The following SHROOM3 variants were observed in gnomAD, a reference collection of about 807,000 sequenced individuals.
SHROOM3 encodes protein Shroom3.
Under a neutral mutation model 138.6 loss-of-function variants are expected in SHROOM3, and 47 were observed. That is an observed-to-expected ratio of 0.34 (90% CI 0.27 to 0.43). The LOEUF (loss-of-function observed/expected upper bound fraction) is 0.43. SHROOM3 is among the 20% of genes least tolerant of loss of function. The pLI, the probability that SHROOM3 is intolerant of heterozygous loss-of-function variation, is 1.00. For synonymous variants in SHROOM3, 1,062 were observed against 1,063.3 expected (o/e 1.00, Z 0.02); for missense variants, 2,491 against 2,596.5 (o/e 0.96, Z 0.88).
intron 2 of SHROOM3, among the ~76,000 whole-genome samples, chr4:76,645,839 C>T (rs530098524): frequency 7.9e-5 from 12 of 151,992 alleles, no homozygotes; most frequent in South Asian, 2.1e-4. Flanking sequence ...ATCCAAAACA[C>T]TTCTTCTTCC....
Position 76,749,082 on chromosome 4 carries a change from T to C in SHROOM3, c.3819T>C (p.Pro1273=), listed in dbSNP as rs1396167382. Residue 1273 remains proline, a synonymous_variant, in exon 6 of 11, where the codon CCT becomes CCC. Coordinates refer to ENST00000296043, the MANE Select transcript of SHROOM3 (RefSeq NM_020859.4). ...AGGATCCATGTTATTTGGCTGGTCC[T>C]GGATCTAGGTATGTACATGTACTTA... ...LVKDPCYLAG[P]GSRSLSCSER... is the part of the protein sequence containing the mutation. 1 of 1,613,998 alleles carries C rather than the reference T, an allele frequency of 6.2e-7. No homozygotes were observed. Among genetic ancestry groups the C allele is most frequent in the Non-Finnish European group, 8.5e-7 (1 of 1,179,882 alleles).
chr4:76,749,122 T>G, intron 6 of SHROOM3, 32 bp downstream of exon 6: 4 of 1,574,006 alleles, frequency 2.5e-6, no homozygotes, highest in Non-Finnish European at 3.5e-6. Flanking sequence ...GCTCTCTGCA[T>G]ATGAATGCTG....
At chr4:76,613,464 GAAAGGAGTCAAGTACCA>G (rs1446783732) in intron 2 of SHROOM3, among the ~76,000 whole-genome samples, 1 of 152,176 alleles carries the variant, frequency 6.6e-6, no homozygotes, top group East Asian at 1.9e-4. Flanking sequence ...TAGCAGAGTT[GAAAGGAGTCAAGTACCA>G]ACAGTACATG....
chr4:76,477,301 C>T (rs1336385433), intron 1 of SHROOM3, among the ~76,000 whole-genome samples: 3 of 152,104 alleles, frequency 2.0e-5, no homozygotes, highest in Non-Finnish European at 2.9e-5. Context: ...TGAAATAAGA[C>T]AGAGAGACTG....
At chr4:76,479,218 G>C (rs542260555) in intron 1 of SHROOM3, among the ~76,000 whole-genome samples, 1 of 151,938 alleles carries the variant, frequency 6.6e-6, no homozygotes, top group Non-Finnish European at 1.5e-5. Context: ...ATGCAAGGAG[G>C]CTAAGAACCT....
At chr4:76,447,229 G>A (rs1256667080) in intron 1 of SHROOM3, among the ~76,000 whole-genome samples, 1 of 152,150 alleles carries the variant, frequency 6.6e-6, no homozygotes, top group African/African-American at 2.4e-5. Flanking sequence ...GTGGAAATAA[G>A]CATTCTTCAG....
At chr4:76,555,235 T>A (rs1440931704) in intron 1 of SHROOM3, among the ~76,000 whole-genome samples, 1 of 152,096 alleles carries the variant, frequency 6.6e-6, no homozygotes, top group Non-Finnish European at 1.5e-5. Flanking sequence ...GCCAAAAAGT[T>A]TGGGGACTGC....
At chr4:76,667,285 G>T (rs575367472) in intron 2 of SHROOM3, among the ~76,000 whole-genome samples, 2 of 152,182 alleles carry the variant, frequency 1.3e-5, no homozygotes, top group East Asian at 3.9e-4. Context: ...GGTTAAGATG[G>T]TTCACTTTAC....
intron 1 of SHROOM3, among the ~76,000 whole-genome samples, chr4:76,470,503 C>T (rs1181079390): frequency 6.6e-6 from 1 of 152,102 alleles, no homozygotes; most frequent in Non-Finnish European, 1.5e-5. Flanking sequence ...AATCAAGATA[C>T]AAGACTAATT....
chr4:76,490,943 C>T (rs1579190454), intron 1 of SHROOM3, among the ~76,000 whole-genome samples: 4 of 152,204 alleles, frequency 2.6e-5, no homozygotes. Context: ...CACTGGAGCC[C>T]ATTGGGGTTG....
intron 1 of SHROOM3, among the ~76,000 whole-genome samples, chr4:76,484,572 AAAACAAACAAACAAACAAAC>A (rs142274232): frequency 3.4e-5 from 5 of 147,526 alleles, no homozygotes; most frequent in African/African-American, 1.3e-4. Flanking sequence ...CCCTTACTCT[AAAACAAACAAACAAACAAAC>A]AAACAAACAA....
In SHROOM3 at chr4:76,444,195, G is replaced by A. The variant is rs988940243; in HGVS notation, c.168+7975G>A. 8.9e-4 allele frequency among the ~76,000 whole-genome samples: 136 copies of A among 152,162 alleles called. 1 individual carries two copies. Among genetic ancestry groups the A allele is most frequent in the African/African-American group, 3.2e-3 (133 of 41,484 alleles). ...CTCCCTAAGTGCTGAGATTGCAGGA[G>A]TGATCCACCACGCCTGGCCTAAACC... On this transcript the variant is annotated intron_variant, in intron 1 of 10. Coordinates refer to ENST00000296043, the MANE Select transcript of SHROOM3 (RefSeq NM_020859.4).
chr4:76,735,861 AAAAAAAAAT>A (rs1328159615), intron 4 of SHROOM3, among the ~76,000 whole-genome samples: 1 of 21,454 alleles, frequency 4.7e-5, no homozygotes, highest in Non-Finnish European at 1.2e-4. Context: ...AAAAAAAAAA[AAAAAAAAAT>A]ATATATATAT....
At chr4:76,633,142 G>A (rs1316389978) in intron 2 of SHROOM3, among the ~76,000 whole-genome samples, 7 of 151,312 alleles carry the variant, frequency 4.6e-5, no homozygotes, top group South Asian at 2.1e-4. Flanking sequence ...AGGCTGAGGC[G>A]GGGGAATCTC....
chr4:76,696,308 T>C (rs1447672517), intron 2 of SHROOM3, among the ~76,000 whole-genome samples: 3 of 152,200 alleles, frequency 2.0e-5, no homozygotes, highest in Non-Finnish European at 4.4e-5. Flanking sequence ...CCCAGCCTCT[T>C]TCCCTCTAAC....
intron 2 of SHROOM3, among the ~76,000 whole-genome samples, chr4:76,604,477 T>G (rs1327593331): frequency 6.6e-6 from 1 of 152,216 alleles, no homozygotes; most frequent in Admixed American, 6.5e-5. Flanking sequence ...ACATGATTGC[T>G]TTTGAGCTTA....
chr4:76,471,565 C>T (rs558257887), intron 1 of SHROOM3, among the ~76,000 whole-genome samples: 5 of 152,182 alleles, frequency 3.3e-5, no homozygotes, highest in Admixed American at 6.5e-5. Context: ...TTTAAGACCA[C>T]ATGCTTTCCT....
intron 1 of SHROOM3, among the ~76,000 whole-genome samples, chr4:76,549,860 G>A (rs1318407362): frequency 6.6e-6 from 1 of 152,142 alleles, no homozygotes; most frequent in African/African-American, 2.4e-5. Flanking sequence ...ACTGAAATGA[G>A]TTAGACTAAG....
chr4:76,761,934 C>G (rs186809108), intron 9 of SHROOM3, among the ~76,000 whole-genome samples: 79 of 152,260 alleles, frequency 5.2e-4, no homozygotes, highest in African/African-American at 1.8e-3. Flanking sequence ...GTGCAAAACT[C>G]CCAAGTTGGA....
Sources: gnomAD v4.1 joint callset for allele counts (sites outside exome capture counted in the v4.1 genomes callset) on GRCh38, gnomAD v4.1.1 for gene constraint, MANE v1.5 for transcripts, NCBI Gene and HGNC (gene_info 2026-07-23, HGNC 2026-07-21) for gene names.